The following ARHGEF4 variants were observed in gnomAD, a reference collection of about 807,000 sequenced individuals.
ARHGEF4 encodes APC-stimulated guanine nucleotide exchange factor 1.
ARHGEF4 carries 119 observed loss-of-function variants against 162.0 expected under a neutral mutation model. The observed-to-expected ratio is 0.73, with a 90% CI of 0.63 to 0.86. The LOEUF (loss-of-function observed/expected upper bound fraction) is 0.86. Among genes scored for constraint, ARHGEF4 ranks in the 40% least tolerant of loss-of-function variants. The pLI, the probability that ARHGEF4 is intolerant of heterozygous loss-of-function variation, is 0.00. For missense variants in ARHGEF4, 2,488 were observed against 2,456.0 expected, an observed-to-expected ratio of 1.01 and a Z score of -0.28; for synonymous variants, 1,014 against 979.9, an observed-to-expected ratio of 1.03 and a Z score of -0.65.
intron 10 of ARHGEF4, among the ~76,000 whole-genome samples, chr2:131,043,204 G>A (rs890723052): frequency 4.6e-5 from 7 of 152,200 alleles, no homozygotes; most frequent in African/African-American, 1.7e-4. Context: ...AATTAATATG[G>A]ATTAGCCACA....
At chr2:131,026,718 T>C (rs1172350482) in intron 4 of ARHGEF4, among the ~76,000 whole-genome samples, 3 of 152,188 alleles carry the variant, frequency 2.0e-5, no homozygotes, top group Non-Finnish European at 1.5e-5. Flanking sequence ...GACTCAAGAA[T>C]TTAAATGTCT....
At chr2:131,019,366 C>T (rs964683530) in intron 4 of ARHGEF4, among the ~76,000 whole-genome samples, 1 of 151,394 alleles carries the variant, frequency 6.6e-6, no homozygotes, top group Non-Finnish European at 1.5e-5. Flanking sequence ...GAGCTGAGAT[C>T]GTGCCATTGC....
chr2:130,872,606 T>C (rs188962337), intron 1 of ARHGEF4, among the ~76,000 whole-genome samples: 16 of 152,342 alleles, frequency 1.1e-4, no homozygotes, highest in African/African-American at 3.8e-4. Flanking sequence ...CAAGTTCTTT[T>C]GTCTGACTTC....
At chr2:130,850,262 G>T (rs1165770890) in intron 1 of ARHGEF4, among the ~76,000 whole-genome samples, 1 of 152,224 alleles carries the variant, frequency 6.6e-6, no homozygotes, top group African/African-American at 2.4e-5. Flanking sequence ...TGTACCTGAG[G>T]AAGGAGGAGC....
At chr2:130,924,833 C>A (rs1682131573) in intron 2 of ARHGEF4, among the ~76,000 whole-genome samples, 1 of 152,122 alleles carries the variant, frequency 6.6e-6, no homozygotes, top group African/African-American at 2.4e-5. Flanking sequence ...CCCACTCTGA[C>A]CTGACGGTGA....
chr2:130,847,954 G>A (rs1414056827), intron 1 of ARHGEF4, among the ~76,000 whole-genome samples: 1 of 151,878 alleles, frequency 6.6e-6, no homozygotes, highest in Admixed American at 6.5e-5. Context: ...GGGCCGCTGG[G>A]CTGGGGTCTG....
rs568486315 is a variant in ARHGEF4, at chr2:130,897,286, A to G, written c.40-16700A>G. 2.0e-5 allele frequency among the ~76,000 whole-genome samples: 3 copies of G among 152,360 alleles called. No individual in the cohort carries two copies. In the East Asian group the frequency reaches 5.8e-4, roughly 29 times the overall value. ...CGGAAAGGCTGGAGCTGTTGGCTGCAGCTCTGGAAATGTTAGCGCCTCCTG... is the reference window on the plus strand; with the variant it reads ...CGGAAAGGCTGGAGCTGTTGGCTGCGGCTCTGGAAATGTTAGCGCCTCCTG... On this transcript the variant is annotated intron_variant, in intron 1 of 13. Coordinates refer to ENST00000409359, the MANE Select transcript of ARHGEF4 (RefSeq NM_001367493.1).
intron 1 of ARHGEF4, among the ~76,000 whole-genome samples, chr2:130,848,100 G>C (rs560170086): frequency 5.1e-4 from 77 of 152,318 alleles, no homozygotes; most frequent in African/African-American, 1.8e-3. Context: ...CAGGGAGGGT[G>C]GGCTGTGGCT....
intron 3 of ARHGEF4, among the ~76,000 whole-genome samples, chr2:130,940,622 C>A (rs1446393812): frequency 1.3e-5 from 2 of 149,238 alleles, no homozygotes; most frequent in African/African-American, 5.0e-5. Context: ...GGGTGGATCA[C>A]GAGGTCAGGA....
At chr2:131,019,910 A>G (rs1689003895) in intron 4 of ARHGEF4, among the ~76,000 whole-genome samples, 1 of 152,214 alleles carries the variant, frequency 6.6e-6, no homozygotes, top group Non-Finnish European at 1.5e-5. Flanking sequence ...CTGGGATTAC[A>G]GGCGTGAGCC....
At chr2:131,006,880 C>CAA (rs1466950091) in intron 4 of ARHGEF4, among the ~76,000 whole-genome samples, 1 of 152,150 alleles carries the variant, frequency 6.6e-6, no homozygotes, top group Middle Eastern at 3.2e-3. Context: ...AAAATGGGGC[C>CAA]AAAAGTAGGC....
At chr2:130,924,667 G>A (rs11675170) in intron 2 of ARHGEF4, among the ~76,000 whole-genome samples, 1 of 152,322 alleles carries the variant, frequency 6.6e-6, no homozygotes, top group East Asian at 1.9e-4. Flanking sequence ...GCAGGCTCCA[G>A]CGTCTGCTGA....
At chr2:130,879,906 G>A (rs1679085605) in intron 1 of ARHGEF4, among the ~76,000 whole-genome samples, 1 of 152,154 alleles carries the variant, frequency 6.6e-6, no homozygotes, top group East Asian at 1.9e-4. Context: ...AGCCTCCTGA[G>A]TAGCTGGGAC....
chr2:131,008,989 G>A (rs1224039730), intron 4 of ARHGEF4, among the ~76,000 whole-genome samples: 2 of 152,114 alleles, frequency 1.3e-5, no homozygotes, highest in African/African-American at 4.8e-5. Flanking sequence ...TAACACTTCT[G>A]GTGCTTATCA....
chr2:130,992,637 C>G (rs575529450), intron 4 of ARHGEF4, among the ~76,000 whole-genome samples: 8 of 152,252 alleles, frequency 5.3e-5, no homozygotes, highest in Non-Finnish European at 1.0e-4. Context: ...TAACACTCAC[C>G]GCGAGGGTCT....
chr2:130,965,891 G>A (rs924363508), intron 4 of ARHGEF4, among the ~76,000 whole-genome samples: 3 of 152,160 alleles, frequency 2.0e-5, no homozygotes, highest in African/African-American at 7.2e-5. Context: ...GCAGGGGGTG[G>A]GGAAGGAGGA....
intron 4 of ARHGEF4, among the ~76,000 whole-genome samples, chr2:130,995,818 C>G (rs1163810139): frequency 6.6e-6 from 1 of 152,130 alleles, no homozygotes; most frequent in African/African-American, 2.4e-5. Context: ...TCCACTGTCA[C>G]CCCTTGGGGC....
chr2:130,902,389 C>T (rs762465737), intron 1 of ARHGEF4, among the ~76,000 whole-genome samples: 2 of 152,046 alleles, frequency 1.3e-5, no homozygotes, highest in Non-Finnish European at 2.9e-5. Context: ...AGGTCAGGAG[C>T]TTGAGAACAG....
intron 1 of ARHGEF4, among the ~76,000 whole-genome samples, chr2:130,884,620 C>T (rs1679398309): frequency 1.3e-5 from 2 of 152,078 alleles, no homozygotes; most frequent in African/African-American, 2.4e-5. Context: ...AACACCTGTT[C>T]TGAGCGTTCA....
Sources: gnomAD v4.1 joint callset for allele counts (sites outside exome capture counted in the v4.1 genomes callset) on GRCh38, gnomAD v4.1.1 for gene constraint, MANE v1.5 for transcripts, NCBI Gene and HGNC (gene_info 2026-07-23, HGNC 2026-07-21) for gene names.